Variants in IQCM observed in about 807,000 individuals in gnomAD.
The protein encoded by IQCM is IQ motif containing M.
Under a neutral mutation model 57.6 loss-of-function variants are expected in IQCM, and 45 were observed. That is an observed-to-expected ratio of 0.78 (90% CI 0.62 to 1.00). The LOEUF (loss-of-function observed/expected upper bound fraction) is 1.00. Ranked by LOEUF, IQCM falls within the 50% of genes least tolerant of loss-of-function variation. IQCM has a pLI of 0.00. For synonymous variants in IQCM, 148 were observed against 158.9 expected (o/e 0.93, Z 0.51); for missense variants, 468 against 511.6 (o/e 0.91, Z 0.82).
chr4:149,385,575 T>G (rs528757512), intron 13 of IQCM, among the ~76,000 whole-genome samples: 60 of 152,208 alleles, frequency 3.9e-4, no homozygotes, highest in Non-Finnish European at 3.2e-4. Context: ...GATCCATCTA[T>G]CCAACTGATT....
chr4:149,811,053 A>G (rs1774522139), intron 2 of IQCM, among the ~76,000 whole-genome samples: 1 of 152,208 alleles, frequency 6.6e-6, no homozygotes, highest in Admixed American at 6.5e-5. Context: ...ATACTGTTCT[A>G]TAAGAAGAAC....
chr4:149,409,926 C>T (rs1733253014), intron 13 of IQCM, among the ~76,000 whole-genome samples: 1 of 152,176 alleles, frequency 6.6e-6, no homozygotes, highest in South Asian at 2.1e-4. Context: ...TGGCTCATGC[C>T]TGTAATCCCA....
chr4:149,659,590 G>T (rs988771723), intron 7 of IQCM, among the ~76,000 whole-genome samples: 1 of 151,980 alleles, frequency 6.6e-6, no homozygotes, highest in African/African-American at 2.4e-5. Context: ...ATACTACAAG[G>T]CTACAGTAAC....
At chr4:149,648,969 T>C (rs1181358824) in intron 7 of IQCM, among the ~76,000 whole-genome samples, 1 of 152,120 alleles carries the variant, frequency 6.6e-6, no homozygotes, top group African/African-American at 2.4e-5. Flanking sequence ...CTTTATTCAA[T>C]ATGGTTCACA....
At chr4:149,630,749 G>A (rs1287212954) in intron 7 of IQCM, among the ~76,000 whole-genome samples, 3 of 152,044 alleles carry the variant, frequency 2.0e-5, no homozygotes, top group African/African-American at 7.2e-5. Flanking sequence ...CATATTTTTT[G>A]TAATACCAAT....
At position 149,631,088 on chromosome 4, in the gene IQCM, C is replaced by T. The variant is rs527857355; in HGVS notation, c.566-9844G>A. Among the ~76,000 whole-genome samples, 235 of 152,238 alleles carry T rather than the reference C, an allele frequency of 1.5e-3. 1 individual carries two copies. Among genetic ancestry groups the T allele is most frequent in the African/African-American group, 5.5e-3 (228 of 41,538 alleles). Reference sequence around the variant, plus strand: ...GTTGGTACATGCTAGGCAGAGTATGCCTATGTGACTAGGCTCCAATAAGAG... The same window carrying T: ...GTTGGTACATGCTAGGCAGAGTATGTCTATGTGACTAGGCTCCAATAAGAG... On this transcript the variant is annotated intron_variant, in intron 7 of 13. Transcript: ENST00000636793.
At chr4:149,691,523 AG>A (rs1762936616) in intron 5 of IQCM, among the ~76,000 whole-genome samples, 2 of 152,202 alleles carry the variant, frequency 1.3e-5, no homozygotes, top group African/African-American at 4.8e-5. Flanking sequence ...GATGGGGCAA[AG>A]GTGATGGGAG....
intron 5 of IQCM, among the ~76,000 whole-genome samples, chr4:149,719,437 T>C (rs918357839): frequency 2.0e-5 from 3 of 151,784 alleles, no homozygotes; most frequent in Non-Finnish European, 4.4e-5. Context: ...GAAACAAATA[T>C]AAGAAACTAC....
At chr4:149,502,897 T>G (rs1313923808) in intron 12 of IQCM, among the ~76,000 whole-genome samples, 1 of 152,002 alleles carries the variant, frequency 6.6e-6, no homozygotes, top group Non-Finnish European at 1.5e-5. Context: ...CAGCTATGTG[T>G]TGTTCCTAAA....
At chr4:149,609,520 A>T (rs1467076053) in intron 8 of IQCM, among the ~76,000 whole-genome samples, 1 of 151,970 alleles carries the variant, frequency 6.6e-6, no homozygotes, top group Non-Finnish European at 1.5e-5. Context: ...TCAATAATAC[A>T]TTAAAAGAAT....
At chr4:149,405,879 T>C (rs1243766853) in intron 13 of IQCM, among the ~76,000 whole-genome samples, 1 of 60,202 alleles carries the variant, frequency 1.7e-5, no homozygotes, top group Non-Finnish European at 3.1e-5. Flanking sequence ...TCCATATATA[T>C]ATATATCTTC....
At chr4:149,398,065 T>C (rs1450000137) in intron 13 of IQCM, among the ~76,000 whole-genome samples, 2 of 152,048 alleles carry the variant, frequency 1.3e-5, no homozygotes, top group Non-Finnish European at 2.9e-5. Flanking sequence ...ACATTGATTT[T>C]TGTGTATGGT....
chr4:149,693,349 A>G (rs1343048349), intron 5 of IQCM, among the ~76,000 whole-genome samples: 1 of 152,006 alleles, frequency 6.6e-6, no homozygotes, highest in Non-Finnish European at 1.5e-5. Flanking sequence ...TGCTTAGACC[A>G]CTCTTGAGAT....
intron 6 of IQCM, 34 bp downstream of exon 6, chr4:149,686,344 T>A: frequency 9.9e-7 from 1 of 1,006,202 alleles, no homozygotes; most frequent in Non-Finnish European, 1.3e-6. Flanking sequence ...GAAGAAAATA[T>A]ATATTTTCTA....
chr4:149,795,909 G>A (rs905273148), intron 2 of IQCM, among the ~76,000 whole-genome samples: 1 of 152,210 alleles, frequency 6.6e-6, no homozygotes, highest in African/African-American at 2.4e-5. Context: ...CTTTGGCACT[G>A]ACTAACCAGC....
chr4:149,576,994 T>C (rs1751721609), intron 9 of IQCM, among the ~76,000 whole-genome samples: 1 of 152,010 alleles, frequency 6.6e-6, no homozygotes, highest in Non-Finnish European at 1.5e-5. Flanking sequence ...ATTAGTGATG[T>C]TAAGCATTTT....
intron 8 of IQCM, among the ~76,000 whole-genome samples, chr4:149,590,442 T>A (rs1753045906): frequency 1.3e-5 from 2 of 151,822 alleles, no homozygotes; most frequent in Non-Finnish European, 2.9e-5. Flanking sequence ...CACTACCTGC[T>A]TCTTTCAACT....
At chr4:149,550,234 G>A (rs1748895978) in intron 11 of IQCM, among the ~76,000 whole-genome samples, 1 of 152,158 alleles carries the variant, frequency 6.6e-6, no homozygotes, top group South Asian at 2.1e-4. Flanking sequence ...CAGTTCCCTA[G>A]AGGGATTAAG....
intron 2 of IQCM, among the ~76,000 whole-genome samples, chr4:149,809,424 T>G (rs975492675): frequency 3.3e-5 from 5 of 152,062 alleles, no homozygotes; most frequent in Admixed American, 2.0e-4. Context: ...ACCAAGTGGG[T>G]TTTTTGTTTG....
Sources: allele counts gnomAD v4.1 joint callset (sites outside exome capture counted in the v4.1 genomes callset), GRCh38; gene constraint gnomAD v4.1.1; transcripts MANE v1.5; gene names NCBI Gene and HGNC (gene_info 2026-07-23, HGNC 2026-07-21).